PIWIL3: variants seen among roughly 807,000 people sequenced by gnomAD.
PIWIL3 encodes piwi-like protein 3.
In PIWIL3, 101 loss-of-function variants were observed where a neutral mutation model predicts 109.7. That is an observed-to-expected ratio of 0.92 (90% confidence interval 0.78 to 1.09). The LOEUF (loss-of-function observed/expected upper bound fraction) is 1.09. Ranked by LOEUF, PIWIL3 falls within the 50% of genes least tolerant of loss-of-function variation. The pLI is 0.00. For synonymous variants in PIWIL3, 373 were observed against 376.4 expected, an observed-to-expected ratio of 0.99 and a Z score of 0.10; for missense variants, 1,031 against 1,072.6, an observed-to-expected ratio of 0.96 and a Z score of 0.54.
At position 24,756,672 on chromosome 22, in the gene PIWIL3, T is replaced by C. The variant is rs769312380; in HGVS notation, c.389A>G (p.Asn130Ser). 1.5e-5 allele frequency: 25 copies of C among 1,613,980 alleles called. No homozygotes were observed. The East Asian group carries it at 1.8e-4, about 12-fold the overall frequency. Reference protein sequence around the residue: ...SEGTVVQLLANHFRVISRPQW... With the variant: ...SEGTVVQLLASHFRVISRPQW... ...AGGACGAGATATCACTCGGAAGTGG[T>C]TGGCGAGTAGCTGTACCACTGTACC... The change falls in exon 5 of 21, where the codon AAC becomes AGC. Residue 130 changes from asparagine to serine, a missense_variant. By Grantham distance (46) the Asn-to-Ser change is conservative. Transcript: ENST00000616349.
intron 3 of PIWIL3, 45 bp from the exon 4 acceptor site, chr22:24,758,084 G>A: frequency 6.4e-7 from 1 of 1,573,710 alleles, no homozygotes; most frequent in Non-Finnish European, 8.6e-7. Context: ...AAAAAGGGAA[G>A]AATAGAAAAG....
chr22:24,752,081 TTAAG>T (rs1449330242), intron 8 of PIWIL3, among the ~76,000 whole-genome samples: 1 of 152,110 alleles, frequency 6.6e-6, no homozygotes, highest in African/African-American at 2.4e-5. Flanking sequence ...TCTTGTGTAT[TTAAG>T]TAGGAGTAAA....
chr22:24,719,635 A>T, intron 20 of PIWIL3, 47 bp from the exon 21 acceptor site: 1 of 1,541,798 alleles, frequency 6.5e-7, no homozygotes, highest in Non-Finnish European at 8.8e-7. Flanking sequence ...TTCACTTTAC[A>T]TCTACTTTCC....
chr22:24,757,098 A>AAAAAAAAAAAAAAAAAAAG (rs1555912998), intron 4 of PIWIL3, among the ~76,000 whole-genome samples: 6 of 146,520 alleles, frequency 4.1e-5, no homozygotes, highest in African/African-American at 1.3e-4. Context: ...AAAAAAAAAA[A>AAAAAAAAAAAAAAAAAAAG]AAAAGAAAAG....
intron 7 of PIWIL3, among the ~76,000 whole-genome samples, chr22:24,754,473 C>T (rs1924897830): frequency 6.6e-6 from 1 of 152,026 alleles, no homozygotes; most frequent in African/African-American, 2.4e-5. Flanking sequence ...ACACATATAC[C>T]AGTGAGTAAT....
At chr22:24,760,711 C>T (rs545260265) in intron 2 of PIWIL3, among the ~76,000 whole-genome samples, 10 of 142,242 alleles carry the variant, frequency 7.0e-5, no homozygotes, top group Admixed American at 3.0e-4. Context: ...ACCCAGGAGG[C>T]AGAGGTTGCA....
intron 12 of PIWIL3, among the ~76,000 whole-genome samples, chr22:24,745,375 T>C (rs746301094): frequency 3.3e-5 from 5 of 152,066 alleles, no homozygotes; most frequent in Non-Finnish European, 7.4e-5. Flanking sequence ...GATGGGCAGA[T>C]CACTTGAGGT....
At chr22:24,729,417 T>C (rs1923203529) in intron 14 of PIWIL3, among the ~76,000 whole-genome samples, 1 of 152,112 alleles carries the variant, frequency 6.6e-6, no homozygotes, top group Non-Finnish European at 1.5e-5. Context: ...TGCCGAGTGG[T>C]TCACTTGGCA....
Position 24,724,993 on chromosome 22 carries a change from AAT to A in PIWIL3, c.2123_2124del (p.His708LeufsTer19). ...ACTCCATCCCGATACACAATAACAGAATGTGGCATCGATGATTCGTTTTTACA... is the reference window on the plus strand; with the variant it reads ...ACTCCATCCCGATACACAATAACAGAGTGGCATCGATGATTCGTTTTTACA... ...VWCKNESSMP[H>X]SVIVYRDGVG... On this transcript the variant is annotated frameshift_variant, in exon 18 of 21. Coordinates refer to ENST00000616349, the MANE Select transcript of PIWIL3 (RefSeq NM_001255975.1). LOFTEE classifies it high-confidence loss of function. 1 of 1,614,188 alleles carries A rather than the reference AAT, an allele frequency of 6.2e-7. No individual in the cohort carries two copies. The highest frequency in any genetic ancestry group is 8.5e-7 in the Non-Finnish European group (1 of 1,180,006).
In PIWIL3 at chr22:24,758,574, C is replaced by T. The variant is rs184524380; in HGVS notation, c.224-535G>A. Reference sequence around the variant, plus strand: ...ACAGCACAATGCGGTCTTTCAGTGACGAGAGGCATCCTGAAGGAATACGCA... The same window carrying T: ...ACAGCACAATGCGGTCTTTCAGTGATGAGAGGCATCCTGAAGGAATACGCA... On this transcript the variant is annotated intron_variant, in intron 3 of 20. Transcript: ENST00000616349. Among the ~76,000 whole-genome samples, 44 of 152,306 alleles carry T rather than the reference C, an allele frequency of 2.9e-4. No homozygotes were observed. The South Asian group carries it at 5.6e-3, about 19-fold the overall frequency.
intron 14 of PIWIL3, among the ~76,000 whole-genome samples, chr22:24,729,350 G>A (rs373651618): frequency 9.2e-5 from 14 of 152,184 alleles, no homozygotes; most frequent in Admixed American, 2.6e-4. Context: ...CACCGCAGAC[G>A]ACGAGACGGT....
chr22:24,750,461 T>C lies in PIWIL3; in HGVS notation c.1090-642A>G, dbSNP rs185442201. The stretch of plus-strand genomic sequence containing the variant: ...TTTCTAGATAAGTAATATTTTCTTA[T>C]CTGAAGTCTTACCACATTTGATTTT... On this transcript the variant is annotated intron_variant, in intron 9 of 20. Coordinates refer to ENST00000616349, the MANE Select transcript of PIWIL3 (RefSeq NM_001255975.1). Among the ~76,000 whole-genome samples, 16 of 151,282 alleles carry C rather than the reference T, an allele frequency of 1.1e-4. No individual in the cohort carries two copies. The South Asian group carries it at 2.3e-3, about 22-fold the overall frequency.
In PIWIL3 at chr22:24,724,992, G is replaced by T. The variant is rs575933025; in HGVS notation, c.2126C>A (p.Ser709Tyr). Reference protein sequence around the residue: ...WCKNESSMPHSVIVYRDGVGD... With the variant: ...WCKNESSMPHYVIVYRDGVGD... ...CACTCCATCCCGATACACAATAACA[G>T]AATGTGGCATCGATGATTCGTTTTT... Residue 709 changes from serine to tyrosine, a missense_variant, in exon 18 of 21, where the codon TCT becomes TAT. Physicochemically the swap from Ser to Tyr is moderately radical, Grantham distance 144. Transcript: ENST00000616349. 3.1e-6 allele frequency: 5 copies of T among 1,614,138 alleles called. No homozygotes were observed. In the African/African-American group the frequency reaches 5.3e-5, roughly 17 times the overall value.
chr22:24,759,159 G>A (rs1424059916), intron 3 of PIWIL3, among the ~76,000 whole-genome samples: 5 of 152,212 alleles, frequency 3.3e-5, no homozygotes, highest in Non-Finnish European at 1.5e-5. Context: ...CTCCCAAAGT[G>A]CTGATGTGAG....
intron 9 of PIWIL3, among the ~76,000 whole-genome samples, chr22:24,750,552 G>A (rs1283248148): frequency 1.4e-4 from 21 of 145,394 alleles, no homozygotes; most frequent in African/African-American, 3.8e-4. Context: ...GCAACGGCGC[G>A]ATCTTGGCTC....
chr22:24,754,803 T>A lies in PIWIL3; in HGVS notation c.754A>T (p.Ile252Phe), dbSNP rs777425299. 9 of 1,610,064 alleles carry A rather than the reference T, an allele frequency of 5.6e-6. No individual in the cohort carries two copies. Among genetic ancestry groups the A allele is most frequent in the African/African-American group, 1.3e-5 (1 of 74,792 alleles). Reference protein sequence around the residue: ...GRNYYTKKKAIQLYRHGTSLE... With the variant: ...GRNYYTKKKAFQLYRHGTSLE... ...ACAAACCCATGACGGTATAACTGAA[T>A]GGCCTTCTTTTTGGTATAATAGTTG... Residue 252 changes from isoleucine to phenylalanine, a missense_variant, in exon 7 of 21, where the codon ATT becomes TTT. Physicochemically the swap from Ile to Phe is conservative, Grantham distance 21. Coordinates refer to ENST00000616349, the MANE Select transcript of PIWIL3 (RefSeq NM_001255975.1).
intron 12 of PIWIL3, among the ~76,000 whole-genome samples, chr22:24,738,610 T>C (rs1012804028): frequency 2.6e-5 from 4 of 152,240 alleles, no homozygotes; most frequent in Admixed American, 2.6e-4. Context: ...TTCTGGATCA[T>C]ATCAAGATCA....
At chr22:24,743,383 C>T (rs1924122783) in intron 12 of PIWIL3, among the ~76,000 whole-genome samples, 1 of 152,200 alleles carries the variant, frequency 6.6e-6, no homozygotes, top group Non-Finnish European at 1.5e-5. Context: ...GAAAAAGATA[C>T]TTGCACATGC....
chr22:24,750,152 A>G (rs983272529), intron 9 of PIWIL3, among the ~76,000 whole-genome samples: 3 of 151,934 alleles, frequency 2.0e-5, no homozygotes, highest in African/African-American at 7.3e-5. Flanking sequence ...AAAACTCCCA[A>G]AGCATACTGA....
Sources: gnomAD v4.1 joint callset for allele counts (sites outside exome capture counted in the v4.1 genomes callset) on GRCh38, gnomAD v4.1.1 for gene constraint, MANE v1.5 for transcripts, NCBI Gene and HGNC (gene_info 2026-07-23, HGNC 2026-07-21) for gene names.